RAPGEF4: variants seen among roughly 807,000 people sequenced by gnomAD.
The protein encoded by RAPGEF4 is Rap guanine nucleotide exchange factor 4, also known as RAP guanine-nucleotide-exchange factor (GEF) 4.
In RAPGEF4, 66 loss-of-function variants were observed where a neutral mutation model predicts 147.9. The observed-to-expected ratio is 0.45, with a 90% CI of 0.37 to 0.55. RAPGEF4 has a LOEUF of 0.55. Among genes scored for constraint, RAPGEF4 ranks in the 20% least tolerant of loss-of-function variants. The pLI is 0.00. For missense variants in RAPGEF4, 1,071 were observed against 1,257.3 expected, an observed-to-expected ratio of 0.85 and a Z score of 2.24; for synonymous variants, 419 against 442.7, an observed-to-expected ratio of 0.95 and a Z score of 0.67.
At chr2:172,860,229 C>T (rs1693874676) in intron 4 of RAPGEF4, 1 of 985,176 alleles carries the variant, frequency 1.0e-6, no homozygotes, top group African/African-American at 1.7e-5. Context: ...AAGAGGAGAA[C>T]ATGGATTTAA....
intron 1 of RAPGEF4, among the ~76,000 whole-genome samples, chr2:172,738,618 T>A (rs1268154759): frequency 8.0e-6 from 1 of 125,462 alleles, no homozygotes; most frequent in African/African-American, 3.1e-5. Context: ...AAATCTAGAG[T>A]ATAGGAATGT....
chr2:172,773,650 C>A (rs560896364), intron 1 of RAPGEF4, among the ~76,000 whole-genome samples: 86 of 151,982 alleles, frequency 5.7e-4, no homozygotes, highest in Non-Finnish European at 8.8e-4. Flanking sequence ...CACTGCCCCC[C>A]CCGCGGACCA....
intron 6 of RAPGEF4, among the ~76,000 whole-genome samples, chr2:172,935,382 A>T (rs1184031594): frequency 6.6e-6 from 1 of 152,094 alleles, no homozygotes; most frequent in Non-Finnish European, 1.5e-5. Context: ...TGGCTCCCCT[A>T]TCCCCACTCT....
At chr2:172,978,341 G>C (rs531377830) in intron 10 of RAPGEF4, among the ~76,000 whole-genome samples, 2 of 152,350 alleles carry the variant, frequency 1.3e-5, no homozygotes, top group South Asian at 4.1e-4. Flanking sequence ...TGCCAAAATA[G>C]CAAGGATTTC....
At chr2:172,895,063 G>C (rs1698334325) in intron 4 of RAPGEF4, among the ~76,000 whole-genome samples, 2 of 151,986 alleles carry the variant, frequency 1.3e-5, no homozygotes, top group South Asian at 4.2e-4. Context: ...GGGAAGGTGG[G>C]GAGCGATTTG....
intron 3 of RAPGEF4, among the ~76,000 whole-genome samples, chr2:172,802,275 A>C (rs185573811): frequency 1.3e-5 from 2 of 152,334 alleles, no homozygotes; most frequent in East Asian, 3.9e-4. Context: ...GACATACCTG[A>C]GACTGGGCAA....
chr2:173,027,828 T>A (rs1245361943), intron 25 of RAPGEF4, among the ~76,000 whole-genome samples: 1 of 152,218 alleles, frequency 6.6e-6, no homozygotes, highest in Admixed American at 6.5e-5. Context: ...CAGGGGCCAG[T>A]TAGAGTTCTC....
chr2:172,755,297 A>G (rs1224479223), intron 1 of RAPGEF4, among the ~76,000 whole-genome samples: 1 of 152,248 alleles, frequency 6.6e-6, no homozygotes. Context: ...TGGTTTAGTG[A>G]CATAATTAAA....
At chr2:172,957,991 A>C (rs1688913602) in intron 6 of RAPGEF4, among the ~76,000 whole-genome samples, 1 of 152,246 alleles carries the variant, frequency 6.6e-6, no homozygotes, top group African/African-American at 2.4e-5. Context: ...GTTAAAATAT[A>C]GCCATTGCTT....
chr2:172,918,668 A>G (rs529203514), intron 5 of RAPGEF4, among the ~76,000 whole-genome samples: 1 of 152,152 alleles, frequency 6.6e-6, no homozygotes, highest in African/African-American at 2.4e-5. Flanking sequence ...CTGTTCATGC[A>G]TGTCGGAAAC....
intron 17 of RAPGEF4, among the ~76,000 whole-genome samples, chr2:173,012,771 C>T (rs953721556): frequency 1.3e-5 from 2 of 152,196 alleles, no homozygotes; most frequent in South Asian, 2.1e-4. Flanking sequence ...CTCCCACTCT[C>T]GGGTGAACCA....
intron 4 of RAPGEF4, among the ~76,000 whole-genome samples, chr2:172,836,815 A>C (rs575373907): frequency 1.2e-3 from 179 of 152,348 alleles, no homozygotes; most frequent in Non-Finnish European, 1.3e-3. Context: ...TGCCACATCA[A>C]AGTACTCATG....
chr2:172,978,601 C>T (rs997768498), intron 10 of RAPGEF4, among the ~76,000 whole-genome samples: 1 of 152,132 alleles, frequency 6.6e-6, no homozygotes, highest in African/African-American at 2.4e-5. Context: ...AGTGGTGGGG[C>T]CTTTTGATCA....
intron 1 of RAPGEF4, among the ~76,000 whole-genome samples, chr2:172,771,224 T>G (rs1315151396): frequency 6.6e-6 from 1 of 152,144 alleles, no homozygotes; most frequent in Non-Finnish European, 1.5e-5. Flanking sequence ...GGTCTCTGAT[T>G]CATAGGTGGT....
intron 23 of RAPGEF4, among the ~76,000 whole-genome samples, chr2:173,021,652 G>A (rs1393968698): frequency 1.3e-5 from 2 of 152,188 alleles, no homozygotes; most frequent in Non-Finnish European, 2.9e-5. Flanking sequence ...TCCAATTTTA[G>A]GGAGAGAGTT....
chr2:172,760,550 C>G (rs571819790), intron 1 of RAPGEF4, among the ~76,000 whole-genome samples: 5 of 152,052 alleles, frequency 3.3e-5, no homozygotes, highest in Non-Finnish European at 5.9e-5. Flanking sequence ...AACCCTGTCT[C>G]TACTCAAAAT....
At chr2:173,029,695 TA>T (rs914005893) in intron 25 of RAPGEF4, among the ~76,000 whole-genome samples, 1 of 152,216 alleles carries the variant, frequency 6.6e-6, no homozygotes, top group African/African-American at 2.4e-5. Context: ...AACAAACAAG[TA>T]GCATTTGCAT....
chr2:172,907,701 G>A (rs1341511444), intron 4 of RAPGEF4, among the ~76,000 whole-genome samples: 1 of 152,228 alleles, frequency 6.6e-6, no homozygotes, highest in African/African-American at 2.4e-5. Flanking sequence ...CAGCCTCAGT[G>A]ATGTGAAGCT....
rs113868834 is a variant in RAPGEF4, at chr2:173,026,130, C to T, written c.2254-442C>T. 2.2e-4 allele frequency among the ~76,000 whole-genome samples: 34 copies of T among 152,292 alleles called. 1 individual carries two copies. The highest frequency in any genetic ancestry group is 6.3e-4 in the African/African-American group (26 of 41,558). ...GAGGCAGCAGTGTTACCATGGCCAC[C>T]GGCAGCAGGAAGTAGCACTGTGGAT... On this transcript the variant is annotated intron_variant, in intron 23 of 30. Transcript: ENST00000397081.
Sources: allele counts gnomAD v4.1 joint callset (sites outside exome capture counted in the v4.1 genomes callset), GRCh38; gene constraint gnomAD v4.1.1; transcripts MANE v1.5; gene names NCBI Gene and HGNC (gene_info 2026-07-23, HGNC 2026-07-21).